The following LRRTM4 variants were observed in gnomAD, a reference collection of about 807,000 sequenced individuals.
The protein encoded by LRRTM4 is leucine-rich repeat transmembrane neuronal protein 4.
Under a neutral mutation model 47.6 loss-of-function variants are expected in LRRTM4, and 25 were observed. The observed-to-expected ratio is 0.53, with a 90% confidence interval of 0.38 to 0.73. The LOEUF (loss-of-function observed/expected upper bound fraction) is 0.73. Ranked by LOEUF, LRRTM4 falls within the 30% of genes least tolerant of loss-of-function variation. The pLI, the probability that LRRTM4 is intolerant of heterozygous loss-of-function variation, is 0.00. For missense variants in LRRTM4, 638 were observed against 713.4 expected (o/e 0.89, Z 1.20); for synonymous variants, 311 against 269.5 (o/e 1.15, Z -1.51).
chr2:77,168,402 GTTT>G (rs531234378), intron 3 of LRRTM4, among the ~76,000 whole-genome samples: 1 of 151,876 alleles, frequency 6.6e-6, no homozygotes, highest in South Asian at 2.1e-4. Context: ...TACATTTCTA[GTTT>G]TTTGTTAGCT....
chr2:77,135,203 T>A (rs1385924335), intron 3 of LRRTM4, among the ~76,000 whole-genome samples: 1 of 152,178 alleles, frequency 6.6e-6, no homozygotes, highest in Non-Finnish European at 1.5e-5. Flanking sequence ...ATGTGAGGCT[T>A]ACATCACTAC....
chr2:76,905,836 T>G (rs62170294), intron 3 of LRRTM4, among the ~76,000 whole-genome samples: 4 of 152,102 alleles, frequency 2.6e-5, no homozygotes, highest in African/African-American at 9.7e-5. Context: ...CCAAGAAATA[T>G]GGGACTTTGT....
intron 3 of LRRTM4, among the ~76,000 whole-genome samples, chr2:77,079,570 T>C (rs1680463133): frequency 6.6e-6 from 1 of 152,206 alleles, no homozygotes; most frequent in Admixed American, 6.6e-5. Flanking sequence ...GTGTATTTGA[T>C]GTGTGGCCCA....
At chr2:77,259,107 TA>T (rs1675847654) in intron 3 of LRRTM4, among the ~76,000 whole-genome samples, 2 of 151,794 alleles carry the variant, frequency 1.3e-5, no homozygotes, top group Non-Finnish European at 2.9e-5. Context: ...AACATAAATA[TA>T]AAAAACTTAA....
At chr2:77,079,589 C>A (rs764541862) in intron 3 of LRRTM4, among the ~76,000 whole-genome samples, 20 of 152,188 alleles carry the variant, frequency 1.3e-4, no homozygotes, top group Non-Finnish European at 2.1e-4. Context: ...CAAGACCATT[C>A]TTCTTCCATT....
chr2:76,983,941 T>A (rs34540243), intron 3 of LRRTM4, among the ~76,000 whole-genome samples: 5,656 of 152,202 alleles, frequency 0.037, 157 homozygotes, highest in Non-Finnish European at 0.052. Context: ...TATACTTTTT[T>A]AAAATTGGAT....
intron 3 of LRRTM4, among the ~76,000 whole-genome samples, chr2:76,998,933 C>T (rs946228619): frequency 2.0e-5 from 3 of 152,010 alleles, no homozygotes; most frequent in Admixed American, 1.3e-4. Context: ...AAGAATATTA[C>T]TCAACAGTAT....
chr2:77,438,649 G>T (rs1236500855), intron 3 of LRRTM4, among the ~76,000 whole-genome samples: 1 of 152,022 alleles, frequency 6.6e-6, no homozygotes, highest in Non-Finnish European at 1.5e-5. Context: ...CTCGTGATCT[G>T]CCTGCCTCGG....
In LRRTM4 at chr2:76,795,579, GCACACACACA is replaced by G. The variant is rs753196049; in HGVS notation, c.1552-46673_1552-46664del. 7.6e-5 allele frequency among the ~76,000 whole-genome samples: 7 copies of G among 91,956 alleles called. No individual in the cohort carries two copies. The East Asian group carries it at 2.5e-3, about 32-fold the overall frequency. The allele number at this position is 91,956 out of a possible 152,430, so 60.3% of individuals were successfully genotyped here. A position where few individuals can be genotyped will look rare whatever the true frequency, so the allele number is the denominator to read the frequency against. ...TGCATATATACATGTGCATATATAT[GCACACACACA>G]CATACACACACACTACATTTTCTTT... On this transcript the variant is annotated intron_variant, in intron 3 of 3. Coordinates refer to ENST00000409884, the MANE Select transcript of LRRTM4 (RefSeq NM_001134745.3).
At chr2:77,333,309 G>A (rs1671038638) in intron 3 of LRRTM4, among the ~76,000 whole-genome samples, 1 of 152,162 alleles carries the variant, frequency 6.6e-6, no homozygotes, top group African/African-American at 2.4e-5. Context: ...GCAGAGGTTG[G>A]AACAGTTTGG....
At chr2:76,801,318 G>T (rs565447360) in intron 3 of LRRTM4, among the ~76,000 whole-genome samples, 1 of 152,130 alleles carries the variant, frequency 6.6e-6, no homozygotes, top group East Asian at 1.9e-4. Context: ...TATACACCAT[G>T]GAATACTATG....
chr2:77,386,644 A>G (rs564297996), intron 3 of LRRTM4, among the ~76,000 whole-genome samples: 13 of 152,274 alleles, frequency 8.5e-5, no homozygotes, highest in African/African-American at 2.9e-4. Context: ...GTCAAATGGT[A>G]TTTCTGGTTT....
At chr2:76,842,909 A>T (rs955749847) in intron 3 of LRRTM4, among the ~76,000 whole-genome samples, 2 of 152,192 alleles carry the variant, frequency 1.3e-5, no homozygotes, top group Non-Finnish European at 2.9e-5. Flanking sequence ...CTATATTAGG[A>T]GAGAATATCT....
At chr2:77,281,520 A>G (rs967982861) in intron 3 of LRRTM4, among the ~76,000 whole-genome samples, 4 of 151,936 alleles carry the variant, frequency 2.6e-5, no homozygotes, top group Non-Finnish European at 5.9e-5. Context: ...AGCTAAATTT[A>G]AAAATTAGTA....
At chr2:76,788,929 G>T (rs1448621925) in intron 3 of LRRTM4, among the ~76,000 whole-genome samples, 1 of 152,062 alleles carries the variant, frequency 6.6e-6, no homozygotes, top group Non-Finnish European at 1.5e-5. Flanking sequence ...CTAACCACTG[G>T]TGGAAAAAGG....
intron 3 of LRRTM4, among the ~76,000 whole-genome samples, chr2:77,386,967 A>T (rs1224368742): frequency 2.0e-5 from 3 of 152,122 alleles, no homozygotes; most frequent in African/African-American, 4.8e-5. Flanking sequence ...TGGTTATTAC[A>T]TTCACTCAAT....
intron 3 of LRRTM4, among the ~76,000 whole-genome samples, chr2:76,991,808 T>C (rs1486026396): frequency 1.3e-5 from 2 of 151,430 alleles, no homozygotes; most frequent in South Asian, 4.2e-4. Flanking sequence ...ACCTTGATAA[T>C]AAAACCAGGC....
chr2:77,126,283 T>C (rs1671650890), intron 3 of LRRTM4, among the ~76,000 whole-genome samples: 1 of 151,946 alleles, frequency 6.6e-6, no homozygotes, highest in Non-Finnish European at 1.5e-5. Context: ...AGACCAAAAA[T>C]TGGAGAAAGT....
chr2:77,284,652 C>G (rs183240075), intron 3 of LRRTM4, among the ~76,000 whole-genome samples: 1 of 152,180 alleles, frequency 6.6e-6, no homozygotes, highest in East Asian at 1.9e-4. Context: ...TTCTTAAGAT[C>G]AACTAGAAGT....
Sources: allele counts gnomAD v4.1 joint callset (sites outside exome capture counted in the v4.1 genomes callset), GRCh38; gene constraint gnomAD v4.1.1; transcripts MANE v1.5; gene names NCBI Gene and HGNC (gene_info 2026-07-23, HGNC 2026-07-21).